Variants in UBE2D4 observed in about 807,000 individuals in gnomAD.
UBE2D4 encodes ubiquitin conjugating enzyme E2 D4.
A neutral mutation model predicts 23.0 loss-of-function variants in UBE2D4; 17 were observed. That is an observed-to-expected ratio of 0.74 (90% CI 0.51 to 1.11). The LOEUF is 1.11. UBE2D4 is among the 50% of genes least tolerant of loss of function. UBE2D4 has a pLI of 0.00. For synonymous variants in UBE2D4, 61 were observed against 69.4 expected (o/e 0.88, Z 0.60); for missense variants, 139 against 181.8 (o/e 0.76, Z 1.35).
At chr7:43,952,529 C>T (rs2096005196) in intron 6 of UBE2D4, 121 bp from the exon 7 acceptor site, 6 of 880,598 alleles carry the variant, frequency 6.8e-6, no homozygotes, top group Admixed American at 1.8e-5. Context: ...ACCCATCAGC[C>T]GTAGATGTTT....
intron 5 of UBE2D4, among the ~76,000 whole-genome samples, chr7:43,949,740 G>A (rs2095997354): frequency 6.6e-6 from 1 of 152,176 alleles, no homozygotes; most frequent in African/African-American, 2.4e-5. Context: ...AGCCCTAGTG[G>A]GTGATTCCCT....
At chr7:43,927,552 G>T (rs182772602) in intron 1 of UBE2D4, among the ~76,000 whole-genome samples, 1 of 152,128 alleles carries the variant, frequency 6.6e-6, no homozygotes, top group Non-Finnish European at 1.5e-5. Flanking sequence ...CGGTCCTCTT[G>T]CCTCTGCCTC....
intron 4 of UBE2D4, among the ~76,000 whole-genome samples, chr7:43,945,613 C>T (rs80126998): frequency 2.0e-5 from 3 of 151,984 alleles, no homozygotes; most frequent in African/African-American, 7.2e-5. Context: ...CACATGCACA[C>T]AACTCTCTTC....
At chr7:43,952,441 CAT>C (rs1321151897) in intron 6 of UBE2D4, 7 of 541,596 alleles carry the variant, frequency 1.3e-5, no homozygotes, top group African/African-American at 9.5e-5. Flanking sequence ...GGGGTTTACA[CAT>C]GAGGGGTTCA....
rs1057298062 is a variant in UBE2D4, at chr7:43,928,435, T to A, written c.24+1879T>A. 5.4e-5 allele frequency among the ~76,000 whole-genome samples: 8 copies of A among 149,314 alleles called. No homozygotes were observed. The East Asian group carries it at 5.8e-4, about 11-fold the overall frequency. ...AGAGTATGACTCTTTTTTTTTTTTT[T>A]AAATAAATAGCTGTCCAAAAGAGAG... On this transcript the variant is annotated intron_variant, in intron 1 of 6. Transcript: ENST00000222402.
intron 1 of UBE2D4, among the ~76,000 whole-genome samples, chr7:43,928,848 AG>A (rs1222933013): frequency 6.6e-6 from 1 of 152,180 alleles, no homozygotes; most frequent in Non-Finnish European, 1.5e-5. Flanking sequence ...TAAGGAATAA[AG>A]GTTTGAGCCT....
At chr7:43,932,064 C>T (rs1322633925) in intron 1 of UBE2D4, among the ~76,000 whole-genome samples, 1 of 151,854 alleles carries the variant, frequency 6.6e-6, no homozygotes, top group Non-Finnish European at 1.5e-5. Flanking sequence ...TCTCGGCTCA[C>T]TGCAAGCTCT....
At chr7:43,952,345 T>G in intron 6 of UBE2D4, 1 of 320,274 alleles carries the variant, frequency 3.1e-6, no homozygotes, top group Non-Finnish European at 6.1e-6. Context: ...CCTGCATCCA[T>G]ATTGTAGGAC....
chr7:43,930,344 C>G (rs1261931127), intron 1 of UBE2D4, among the ~76,000 whole-genome samples: 3 of 152,134 alleles, frequency 2.0e-5, no homozygotes, highest in African/African-American at 4.8e-5. Flanking sequence ...ACTAGCTGCC[C>G]CCTTAGTTTC....
At chr7:43,952,449 G>C (rs1291756858) in intron 6 of UBE2D4, 3 of 555,584 alleles carry the variant, frequency 5.4e-6, no homozygotes, top group Non-Finnish European at 9.8e-6. Context: ...CACATGAGGG[G>C]TTCACCCAGC....
rs1211200624 is a variant in UBE2D4, at chr7:43,942,862, G to T, written c.120+5G>T. On this transcript the variant is annotated splice_donor_5th_base_variant and intron_variant, in intron 3 of 6. Transcript: ENST00000222402. ...CAGGCCACCATCATGGGCCCGGTAG[G>T]TAGTAGCTGCTGAGCGCACCACTCC... 1.2e-6 allele frequency: 2 copies of T among 1,614,166 alleles called. No individual in the cohort carries two copies. The highest frequency in any genetic ancestry group is 1.7e-6 in the Non-Finnish European group (2 of 1,180,024).
At chr7:43,942,476 T>C in intron 2 of UBE2D4, 1 of 455,134 alleles carries the variant, frequency 2.2e-6, no homozygotes, top group Non-Finnish European at 4.0e-6. Context: ...TGAGCATTCC[T>C]GATTGGGTGT....
chr7:43,945,087 G>C (rs1254890824), intron 4 of UBE2D4: 1 of 152,106 alleles, frequency 6.6e-6, no homozygotes, highest in African/African-American at 2.4e-5. Flanking sequence ...CCGCCTCTCG[G>C]GTTCAAGCGA....
At chr7:43,927,572 C>T (rs370550822) in intron 1 of UBE2D4, among the ~76,000 whole-genome samples, 14 of 152,006 alleles carry the variant, frequency 9.2e-5, no homozygotes, top group African/African-American at 3.1e-4. Flanking sequence ...CCTAAAGTGG[C>T]GGGATTACAA....
intron 1 of UBE2D4, among the ~76,000 whole-genome samples, chr7:43,933,959 ATTTG>A (rs1416074078): frequency 6.6e-6 from 1 of 152,156 alleles, no homozygotes; most frequent in Non-Finnish European, 1.5e-5. Flanking sequence ...CTGGTACTAT[ATTTG>A]TTGAGTTTAA....
At position 43,953,447 on chromosome 7, in the gene UBE2D4, G is replaced by A. The variant is rs1339628961; in HGVS notation, c.*752G>A. 3 of 334,426 alleles carry A rather than the reference G, an allele frequency of 9.0e-6. No homozygotes were observed. The highest frequency in any genetic ancestry group is 8.0e-5 in the East Asian group (1 of 12,498). 20.7% of individuals were successfully genotyped at this position (334,426 alleles called of 1,614,324 possible). On this transcript the variant is annotated 3_prime_UTR_variant, in exon 7 of 7. Coordinates refer to ENST00000222402, the MANE Select transcript of UBE2D4 (RefSeq NM_015983.4). Reference sequence around the variant, plus strand: ...CCATTTGATGAAGATTCTCACTACCGCCCGCTCCTCCCATAGGAGCCTACA... The same window carrying A: ...CCATTTGATGAAGATTCTCACTACCACCCGCTCCTCCCATAGGAGCCTACA...
intron 1 of UBE2D4, among the ~76,000 whole-genome samples, chr7:43,936,156 A>T (rs1284385253): frequency 6.6e-6 from 1 of 152,264 alleles, no homozygotes; most frequent in African/African-American, 2.4e-5. Context: ...TACCGGCATG[A>T]ACCACTGTAC....
intron 4 of UBE2D4, chr7:43,943,390 A>G (rs2095978001): frequency 1.1e-5 from 4 of 352,148 alleles, no homozygotes; most frequent in Non-Finnish European, 2.1e-5. Flanking sequence ...CTACTGCCCC[A>G]GGGACATTTG....
At position 43,950,709 on chromosome 7, in the gene UBE2D4, GGT is replaced by G; in HGVS notation, c.398+18_398+19del. On this transcript the variant is annotated intron_variant, in intron 6 of 6. Transcript: ENST00000222402. ...CAGAGAGAAGTACGTGTCCTCTTTG[GGT>G]TGCCTTTGCACCATGGCTGCCCCAG... 1 of 1,609,312 alleles carries G rather than the reference GGT, an allele frequency of 6.2e-7. No individual in the cohort carries two copies. The highest frequency in any genetic ancestry group is 1.1e-5 in the South Asian group (1 of 90,964).
Sources: gnomAD v4.1 joint callset for allele counts (sites outside exome capture counted in the v4.1 genomes callset) on GRCh38, gnomAD v4.1.1 for gene constraint, MANE v1.5 for transcripts, NCBI Gene and HGNC (gene_info 2026-07-23, HGNC 2026-07-21) for gene names.